SHQ1: variants seen among roughly 807,000 people sequenced by gnomAD.
The protein encoded by SHQ1 is SHQ1, H/ACA ribonucleoprotein assembly factor.
Under a neutral mutation model 53.8 loss-of-function variants are expected in SHQ1, and 49 were observed. The ratio of observed to expected loss-of-function variants is 0.91; its 90% CI spans 0.72 to 1.16. The LOEUF is 1.16. Among genes scored for constraint, SHQ1 ranks in the 50% most tolerant of loss-of-function variants. The pLI is 0.00. For missense variants in SHQ1, 738 were observed against 683.1 expected, an observed-to-expected ratio of 1.08 and a Z score of -0.90; for synonymous variants, 243 against 251.0, an observed-to-expected ratio of 0.97 and a Z score of 0.30.
the SHQ1 span, among the ~76,000 whole-genome samples, chr3:72,727,664 G>A: frequency 2.0e-5 from 3 of 152,126 alleles, no homozygotes; most frequent in Admixed American, 6.5e-5. Flanking sequence ...GGAGGGCAAC[G>A]GTACAGGTGG....
At chr3:72,827,930 T>G (rs887254264) in intron 5 of SHQ1, among the ~76,000 whole-genome samples, 2 of 151,874 alleles carry the variant, frequency 1.3e-5, no homozygotes, top group African/African-American at 4.8e-5. Flanking sequence ...AATTTTTTTG[T>G]ATTTTTAGTA....
At chr3:72,772,507 A>G in intron 10 of SHQ1, 1 of 587,476 alleles carries the variant, frequency 1.7e-6, no homozygotes, top group Non-Finnish European at 3.2e-6. Flanking sequence ...GGACCCTCAG[A>G]CAGTGATATG....
chr3:72,840,955 T>G (rs1708162099), intron 4 of SHQ1, 90 bp downstream of exon 4: 1 of 1,438,826 alleles, frequency 7.0e-7, no homozygotes, highest in African/African-American at 1.4e-5. Context: ...AATATTATTT[T>G]TAAAAACTAC....
rs1298730757 is a variant in SHQ1, at chr3:72,749,806, G to GA, written c.*477dup. The GA allele has an allele frequency of 7.2e-5, 16 of 222,710 alleles. No individual in the cohort carries two copies. Among genetic ancestry groups the GA allele is most frequent in the Non-Finnish European group, 1.2e-4 (13 of 111,634 alleles). The allele number at this position is 222,710 out of a possible 1,614,324, so 13.8% of individuals were successfully genotyped here. ...ACTTTATCTTCACAGTCGCGGCAAG[G>GA]AAAACAAAAGGTATAAACATTCATT... On this transcript the variant is annotated 3_prime_UTR_variant, in exon 11 of 11. Transcript: ENST00000325599.
chr3:72,747,262 C>T (rs1201893417), downstream of SHQ1, among the ~76,000 whole-genome samples: 1 of 152,168 alleles, frequency 6.6e-6, no homozygotes, highest in Non-Finnish European at 1.5e-5. Flanking sequence ...CAAGACCCTA[C>T]CTCCCCAGCA....
intron 6 of SHQ1, among the ~76,000 whole-genome samples, chr3:72,818,901 A>G (rs543415383): frequency 1.8e-4 from 27 of 152,306 alleles, no homozygotes; most frequent in Middle Eastern, 3.4e-3. Context: ...CCTCAGTTCT[A>G]TATCTGCAAG....
intron 9 of SHQ1, among the ~76,000 whole-genome samples, chr3:72,798,630 A>T (rs1172297787): frequency 6.6e-6 from 1 of 152,242 alleles, no homozygotes; most frequent in Non-Finnish European, 1.5e-5. Context: ...ACATCTTAAT[A>T]CAAAGACAAG....
intron 10 of SHQ1, among the ~76,000 whole-genome samples, chr3:72,756,186 G>A (rs191515767): frequency 3.3e-5 from 5 of 151,750 alleles, no homozygotes; most frequent in South Asian, 2.1e-4. Flanking sequence ...AGGCATGAGC[G>A]GCAGCCCTGG....
At chr3:72,793,823 T>A (rs1238200488) in intron 9 of SHQ1, 1 of 152,212 alleles carries the variant, frequency 6.6e-6, no homozygotes, top group Non-Finnish European at 1.5e-5. Context: ...TGAAGAAAAC[T>A]GAACACTAAA....
intron 10 of SHQ1, among the ~76,000 whole-genome samples, chr3:72,765,557 A>ATTTTTTTTTT (rs61074795): frequency 8.7e-5 from 5 of 57,188 alleles, no homozygotes; most frequent in African/African-American, 4.0e-4. Context: ...ATATATATAT[A>ATTTTTTTTTT]TTTTTTTTTT....
At chr3:72,765,557 A>ATATATATATATT (rs1491527508) in intron 10 of SHQ1, among the ~76,000 whole-genome samples, 4 of 57,186 alleles carry the variant, frequency 7.0e-5, no homozygotes, top group African/African-American at 2.4e-4. Context: ...ATATATATAT[A>ATATATATATATT]TTTTTTTTTT....
At chr3:72,798,536 T>C (rs1225114236) in intron 9 of SHQ1, among the ~76,000 whole-genome samples, 1 of 152,246 alleles carries the variant, frequency 6.6e-6, no homozygotes, top group Non-Finnish European at 1.5e-5. Context: ...GGATTTAACA[T>C]ATTCCCCAGC....
intron 10 of SHQ1, among the ~76,000 whole-genome samples, chr3:72,758,607 T>C (rs1705548818): frequency 7.3e-6 from 1 of 136,410 alleles, no homozygotes; most frequent in Non-Finnish European, 1.6e-5. Context: ...TCTCATTCTA[T>C]TGCCCAAGCT....
chr3:72,745,294 C>T (rs138180102), downstream of SHQ1, among the ~76,000 whole-genome samples: 392 of 152,188 alleles, frequency 2.6e-3, 1 homozygote, highest in African/African-American at 9.2e-3. Flanking sequence ...CAGCTGTCAA[C>T]CAATTTAGAA....
At chr3:72,816,657 C>T (rs1182209138) in intron 7 of SHQ1, among the ~76,000 whole-genome samples, 1 of 151,960 alleles carries the variant, frequency 6.6e-6, no homozygotes, top group Non-Finnish European at 1.5e-5. Flanking sequence ...AAATAATTTA[C>T]AAAAGGATTT....
intron 10 of SHQ1, among the ~76,000 whole-genome samples, chr3:72,787,862 G>T (rs1446597854): frequency 6.6e-6 from 1 of 152,212 alleles, no homozygotes; most frequent in Non-Finnish European, 1.5e-5. Flanking sequence ...TTGCAGGCGT[G>T]CGCCGCCACG....
At chr3:72,788,527 G>A (rs557805504) in intron 10 of SHQ1, among the ~76,000 whole-genome samples, 5 of 152,006 alleles carry the variant, frequency 3.3e-5, no homozygotes, top group Admixed American at 1.3e-4. Flanking sequence ...CTGCCGCCCC[G>A]TCGGGGAAGT....
chr3:72,848,317 G>C lies in SHQ1; in HGVS notation c.24C>G (p.Leu8=), dbSNP rs767461465. 2.0e-5 allele frequency: 32 copies of C among 1,614,156 alleles called. No homozygotes were observed. Among genetic ancestry groups the C allele is most frequent in the Non-Finnish European group, 2.6e-5 (31 of 1,180,010 alleles). The stretch of plus-strand genomic sequence containing the variant: ...TAGTCAGGAAGTCCGGATCCTGGCT[G>C]AGGTCGAACGCCGGGGTCAGCATCG... MLTPAFD[L]SQDPDFLTIA... Residue 8 remains leucine, a synonymous_variant, in exon 1 of 11, where the codon CTC becomes CTG. Coordinates refer to ENST00000325599, the MANE Select transcript of SHQ1 (RefSeq NM_018130.3).
rs147658338 is a variant in SHQ1 at position 72,785,712 on chromosome 3, C to G, written c.1181+7204G>C. Among the ~76,000 whole-genome samples, 15 of 152,342 alleles carry G rather than the reference C, an allele frequency of 9.8e-5. No homozygotes were observed. The East Asian group carries it at 2.7e-3, about 27-fold the overall frequency. Reference sequence around the variant, plus strand: ...GAAAATTTGTTCACCATGTTGCATACATGTTCTCCTTGTCTACTCATCTGC... The same window carrying G: ...GAAAATTTGTTCACCATGTTGCATAGATGTTCTCCTTGTCTACTCATCTGC... On this transcript the variant is annotated intron_variant, in intron 10 of 10. Coordinates refer to ENST00000325599, the MANE Select transcript of SHQ1 (RefSeq NM_018130.3).
Sources: allele counts gnomAD v4.1 joint callset (sites outside exome capture counted in the v4.1 genomes callset), GRCh38; gene constraint gnomAD v4.1.1; transcripts MANE v1.5; gene names NCBI Gene and HGNC (gene_info 2026-07-23, HGNC 2026-07-21).